LRCH1: variants seen among roughly 807,000 people sequenced by gnomAD.
LRCH1 encodes leucine rich repeats and calponin homology domain containing 1, also known as leucine-rich repeat and calponin homology domain-containing protein 1.
A neutral mutation model predicts 94.9 loss-of-function variants in LRCH1; 23 were observed. The ratio of observed to expected loss-of-function variants is 0.24; its 90% CI spans 0.17 to 0.34. The LOEUF (loss-of-function observed/expected upper bound fraction) is 0.34, where lower values mean the gene tolerates loss of function less well. Among genes scored for constraint, LRCH1 ranks in the 10% least tolerant of loss-of-function variants. The pLI, the probability that LRCH1 is intolerant of heterozygous loss-of-function variation, is 1.00. For synonymous variants in LRCH1, 364 were observed against 354.9 expected (o/e 1.03, Z -0.29); for missense variants, 790 against 945.9 (o/e 0.84, Z 2.16).
At chr13:46,625,842 G>C (rs1293081820) in intron 1 of LRCH1, among the ~76,000 whole-genome samples, 1 of 151,712 alleles carries the variant, frequency 6.6e-6, no homozygotes, top group Non-Finnish European at 1.5e-5. Context: ...TTTGTAGAGA[G>C]GGGTCTCCCC....
In LRCH1 at chr13:46,705,140, A is replaced by G; in HGVS notation, c.1473A>G (p.Leu491=). Residue 491 remains leucine (L), a synonymous_variant, in exon 12 of 20, where the codon TTA becomes TTG. Coordinates refer to ENST00000389797, the MANE Select transcript of LRCH1 (RefSeq NM_001164211.2). ...YPMGSAEALE[L]QDSALNGQIQ... is the part of the protein sequence containing the mutation. ...TGGGATCAGCAGAAGCCTTAGAATT[A>G]CAAGATTCTGCACTGAAGTATGCTT... 1.9e-6 allele frequency: 3 copies of G among 1,608,440 alleles called. No individual in the cohort carries two copies. Among genetic ancestry groups the G allele is most frequent in the Non-Finnish European group, 2.5e-6 (3 of 1,177,118 alleles).
intron 3 of LRCH1, chr13:46,680,197 C>G (rs1198072551): frequency 6.6e-6 from 1 of 152,166 alleles, no homozygotes; most frequent in Non-Finnish European, 1.5e-5. Context: ...GTTGGAGCAT[C>G]CTGGGTCCTA....
At chr13:46,613,640 G>T (rs966694624) in intron 1 of LRCH1, among the ~76,000 whole-genome samples, 2 of 152,156 alleles carry the variant, frequency 1.3e-5, no homozygotes, top group African/African-American at 2.4e-5. Context: ...GAATCCAGAT[G>T]CCTGGGCTCT....
intron 13 of LRCH1, among the ~76,000 whole-genome samples, chr13:46,711,035 C>T (rs1014673175): frequency 7.9e-5 from 12 of 152,252 alleles, no homozygotes; most frequent in Admixed American, 3.3e-4. Context: ...ATAATAACTT[C>T]GAAACCTGTA....
intron 1 of LRCH1, among the ~76,000 whole-genome samples, chr13:46,615,983 A>G (rs1356305705): frequency 6.6e-6 from 1 of 152,112 alleles, no homozygotes; most frequent in Admixed American, 6.5e-5. Context: ...ACGATTTGTT[A>G]ACAATTTGAG....
chr13:46,711,356 G>T (rs1158373179), intron 13 of LRCH1, among the ~76,000 whole-genome samples: 1 of 152,098 alleles, frequency 6.6e-6, no homozygotes, highest in African/African-American at 2.4e-5. Context: ...CATGAGATTT[G>T]CCCAGTTAAT....
chr13:46,600,841 C>T (rs1011313486), intron 1 of LRCH1, among the ~76,000 whole-genome samples: 2 of 152,208 alleles, frequency 1.3e-5, no homozygotes, highest in African/African-American at 2.4e-5. Context: ...TCTTTAGCAA[C>T]AGTCAGCTTT....
At chr13:46,557,176 T>G (rs1256751964) in intron 1 of LRCH1, among the ~76,000 whole-genome samples, 1 of 152,106 alleles carries the variant, frequency 6.6e-6, no homozygotes, top group African/African-American at 2.4e-5. Context: ...AATTTTTTTT[T>G]TTTTTGGTGC....
At chr13:46,741,036 G>A (rs1314773000) in intron 19 of LRCH1, among the ~76,000 whole-genome samples, 3 of 152,092 alleles carry the variant, frequency 2.0e-5, no homozygotes, top group Non-Finnish European at 4.4e-5. Flanking sequence ...TGGTTAATGT[G>A]TTGTTGCAAA....
At chr13:46,602,713 G>T (rs1339550191) in intron 1 of LRCH1, among the ~76,000 whole-genome samples, 2 of 152,168 alleles carry the variant, frequency 1.3e-5, no homozygotes, top group Admixed American at 1.3e-4. Flanking sequence ...TACACTTTGG[G>T]AGGCCGAGTT....
chr13:46,677,024 C>T (rs908478756), intron 3 of LRCH1, among the ~76,000 whole-genome samples: 4 of 152,144 alleles, frequency 2.6e-5, no homozygotes, highest in Admixed American at 6.5e-5. Flanking sequence ...AAGCGATCTG[C>T]CCACCTTGGC....
intron 1 of LRCH1, among the ~76,000 whole-genome samples, chr13:46,643,349 C>T (rs918639845): frequency 6.6e-6 from 1 of 152,140 alleles, no homozygotes; most frequent in Non-Finnish European, 1.5e-5. Context: ...GTTAGGAATG[C>T]TCATATCTCT....
intron 1 of LRCH1, among the ~76,000 whole-genome samples, chr13:46,576,345 G>GA (rs2050304443): frequency 1.3e-5 from 2 of 152,146 alleles, no homozygotes; most frequent in South Asian, 2.1e-4. Flanking sequence ...AGATTGTTGG[G>GA]AAAAAACTTG....
chr13:46,701,191 C>A lies in LRCH1; in HGVS notation c.1384C>A (p.Leu462Met). The change falls in exon 11 of 20, where the codon CTG becomes ATG. Residue 462 changes from leucine to methionine, a missense_variant. Leu to Met is a conservative substitution (Grantham distance 15). Around this residue, in one of 3 missense-constraint regions of LRCH1, gnomAD observed 460 missense variants for 508.9 expected, o/e 0.90. Transcript: ENST00000389797. ...IEQLREAVDL[L>M]QDPNGLSTDI... ...GCAGCTGAGAGAAGCAGTAGATTTG[C>A]TGCAAGATCCCAATGGGTGTGTATG... 6.2e-7 allele frequency: 1 copy of A among 1,612,772 alleles called. No individual in the cohort carries two copies. The highest frequency in any genetic ancestry group is 8.5e-7 in the Non-Finnish European group (1 of 1,178,788).
chr13:46,721,260 T>C (rs956709658), intron 16 of LRCH1, among the ~76,000 whole-genome samples: 1 of 152,162 alleles, frequency 6.6e-6, no homozygotes, highest in African/African-American at 2.4e-5. Context: ...TAGATAAGAT[T>C]ACCCCCAGAA....
chr13:46,717,611 A>T (rs1872388588), intron 16 of LRCH1: 1 of 152,158 alleles, frequency 6.6e-6, no homozygotes, highest in Non-Finnish European at 1.5e-5. Flanking sequence ...TTGACCTGTG[A>T]TTGGAATACA....
At chr13:46,559,626 G>A (rs1477173385) in intron 1 of LRCH1, among the ~76,000 whole-genome samples, 5 of 152,302 alleles carry the variant, frequency 3.3e-5, no homozygotes, top group Admixed American at 2.0e-4. Context: ...TCTTGAAAAG[G>A]CAAGGACATA....
chr13:46,697,196 G>A (rs925362534), intron 9 of LRCH1, among the ~76,000 whole-genome samples: 20 of 152,192 alleles, frequency 1.3e-4, no homozygotes, highest in Middle Eastern at 3.4e-3. Context: ...TGTGCATATC[G>A]AATTATCCAA....
At position 46,607,831 on chromosome 13, in the gene LRCH1, G is replaced by A. The variant is rs151224865; in HGVS notation, c.308-42370G>A. Reference sequence around the variant, plus strand: ...GGGTGCGGCAGGGAAGGGTGGAGACGCAAAGGCACAGTTCCCTTTGTAATG... The same window carrying A: ...GGGTGCGGCAGGGAAGGGTGGAGACACAAAGGCACAGTTCCCTTTGTAATG... On this transcript the variant is annotated intron_variant, in intron 1 of 19. Coordinates refer to ENST00000389797, the MANE Select transcript of LRCH1 (RefSeq NM_001164211.2). 2.4e-3 allele frequency among the ~76,000 whole-genome samples: 362 copies of A among 152,196 alleles called. 4 individuals are homozygous for A. In the Middle Eastern group the frequency reaches 0.054, roughly 23 times the overall value.
Sources: gnomAD v4.1 joint callset for allele counts (sites outside exome capture counted in the v4.1 genomes callset) on GRCh38, gnomAD v4.1.1 for gene constraint, gnomAD v4.1.1 regional missense constraint, MANE v1.5 for transcripts, NCBI Gene and HGNC (gene_info 2026-07-23, HGNC 2026-07-21) for gene names.